The following CPNE4 variants were observed in gnomAD, a reference collection of about 807,000 sequenced individuals.
CPNE4 encodes copine-4.
A neutral mutation model predicts 67.9 loss-of-function variants in CPNE4; 25 were observed. The observed-to-expected ratio is 0.37, with a 90% CI of 0.27 to 0.51. CPNE4 has a LOEUF of 0.51. CPNE4 is among the 20% of genes least tolerant of loss of function. CPNE4 has a pLI of 0.93. For missense variants in CPNE4, 464 were observed against 690.8 expected (o/e 0.67, Z 3.68); for synonymous variants, 242 against 244.9 (o/e 0.99, Z 0.11).
At chr3:131,818,495 A>G (rs1337780627) in intron 2 of CPNE4, among the ~76,000 whole-genome samples, 1 of 152,218 alleles carries the variant, frequency 6.6e-6, no homozygotes, top group East Asian at 1.9e-4. Context: ...GACCTTGTGT[A>G]GGTGCCCAGC....
At chr3:131,679,390 A>G (rs1446767343) in intron 6 of CPNE4, among the ~76,000 whole-genome samples, 1 of 151,594 alleles carries the variant, frequency 6.6e-6, no homozygotes, top group African/African-American at 2.4e-5. Context: ...TCCTGGATTC[A>G]TCAATCTTTT....
chr3:131,577,090 T>C (rs560850181), intron 9 of CPNE4, among the ~76,000 whole-genome samples: 1 of 152,110 alleles, frequency 6.6e-6, no homozygotes, highest in African/African-American at 2.4e-5. Flanking sequence ...AAAAAAAGAT[T>C]AATACAATGG....
intron 1 of CPNE4, among the ~76,000 whole-genome samples, chr3:131,971,516 C>T (rs926542194): frequency 1.2e-4 from 18 of 152,176 alleles, no homozygotes; most frequent in African/African-American, 4.1e-4. Flanking sequence ...TAACATTTAA[C>T]AAGCAAAAAG....
At position 131,552,443 on chromosome 3, in the gene CPNE4, C is replaced by T. The variant is rs1559884789; in HGVS notation, c.1165G>A (p.Ala389Thr). Residue 389 changes from alanine to threonine, a missense_variant, in exon 13 of 16, where the codon GCA becomes ACA. Physicochemically the swap from Ala to Thr is moderately conservative, Grantham distance 58 (BLOSUM62 0). Around this residue, in one of 6 missense-constraint regions of CPNE4, gnomAD observed 201 missense variants for 357.7 expected, o/e 0.56. Transcript: ENST00000429747. ...TTTCTTTCACGTTGTGCTTTACCTG[C>T]ACATTCTGGGTTGTCTTCATTAAAG... The part of the protein sequence containing the change: ...INFNEDNPEC[A>T]GIQGVVEAYQ... The T allele has an allele frequency of 6.2e-7, 1 of 1,612,420 alleles. No homozygotes were observed. The highest frequency in any genetic ancestry group is 1.7e-5 in the Admixed American group (1 of 59,892).
At chr3:131,710,747 C>A (rs1349357973) in intron 3 of CPNE4, among the ~76,000 whole-genome samples, 1 of 152,104 alleles carries the variant, frequency 6.6e-6, no homozygotes, top group East Asian at 1.9e-4. Context: ...CTTCGATTGA[C>A]AACCAAGGAG....
chr3:131,882,113 C>T (rs1308734209), intron 2 of CPNE4, among the ~76,000 whole-genome samples: 1 of 150,488 alleles, frequency 6.6e-6, no homozygotes, highest in African/African-American at 2.5e-5. Flanking sequence ...CCTAGAGATG[C>T]TTCAATTCAT....
intron 2 of CPNE4, among the ~76,000 whole-genome samples, chr3:131,771,108 T>C (rs1388426958): frequency 2.0e-5 from 3 of 152,172 alleles, no homozygotes; most frequent in Non-Finnish European, 4.4e-5. Flanking sequence ...TCCATGAAAG[T>C]AAGAAGCACG....
At chr3:131,569,905 GAA>G in intron 10 of CPNE4, among the ~76,000 whole-genome samples, 1 of 151,728 alleles carries the variant, frequency 6.6e-6, no homozygotes, top group South Asian at 2.1e-4. Flanking sequence ...AAATTAATAA[GAA>G]AAAAATATCA....
At chr3:131,833,329 A>T (rs1373665299) in intron 2 of CPNE4, among the ~76,000 whole-genome samples, 1 of 152,214 alleles carries the variant, frequency 6.6e-6, no homozygotes, top group Non-Finnish European at 1.5e-5. Flanking sequence ...GAAACAGGAT[A>T]ATCTCTCAAT....
chr3:131,931,735 T>C (rs2071066870), intron 1 of CPNE4, among the ~76,000 whole-genome samples: 4 of 152,220 alleles, frequency 2.6e-5, no homozygotes, highest in Admixed American at 2.6e-4. Flanking sequence ...GCACATTTTT[T>C]GTCCCTAAGA....
chr3:132,020,767 C>G (rs1334805957), intron 1 of CPNE4, among the ~76,000 whole-genome samples: 1 of 152,166 alleles, frequency 6.6e-6, no homozygotes, highest in Non-Finnish European at 1.5e-5. Flanking sequence ...TGAGTGAAGG[C>G]ACTCACAGCA....
chr3:131,963,252 G>C (rs553594334), intron 1 of CPNE4, among the ~76,000 whole-genome samples: 1 of 152,252 alleles, frequency 6.6e-6, no homozygotes, highest in Non-Finnish European at 1.5e-5. Context: ...CCACAGACCA[G>C]GGGATTCCCT....
At chr3:131,580,086 C>T (rs1232186979) in intron 9 of CPNE4, among the ~76,000 whole-genome samples, 2 of 152,028 alleles carry the variant, frequency 1.3e-5, no homozygotes, top group African/African-American at 4.8e-5. Flanking sequence ...TTACCTCAGC[C>T]ACCCCAACTT....
chr3:131,568,122 G>C (rs1390353161), intron 10 of CPNE4, among the ~76,000 whole-genome samples: 1 of 151,910 alleles, frequency 6.6e-6, no homozygotes, highest in Non-Finnish European at 1.5e-5. Context: ...TAGTTCTCAT[G>C]GTTTAATAAA....
At chr3:131,845,468 C>A (rs2085960180) in intron 2 of CPNE4, among the ~76,000 whole-genome samples, 2 of 152,194 alleles carry the variant, frequency 1.3e-5, no homozygotes, top group Non-Finnish European at 2.9e-5. Flanking sequence ...AGAATTTATA[C>A]TGCTCACCCA....
chr3:131,695,093 A>C (rs900642780), intron 5 of CPNE4, among the ~76,000 whole-genome samples: 5 of 152,190 alleles, frequency 3.3e-5, no homozygotes, highest in Admixed American at 2.6e-4. Flanking sequence ...TTGCTCCTCC[A>C]TTCTACAACT....
At chr3:131,787,797 G>T (rs1442691904) in intron 2 of CPNE4, among the ~76,000 whole-genome samples, 1 of 152,098 alleles carries the variant, frequency 6.6e-6, no homozygotes, top group East Asian at 1.9e-4. Flanking sequence ...TTCCTGGAAG[G>T]CAGAATCTGG....
intron 2 of CPNE4, among the ~76,000 whole-genome samples, chr3:131,841,941 G>GGTGT (rs779074979): frequency 1.3e-5 from 2 of 152,084 alleles, no homozygotes; most frequent in African/African-American, 2.4e-5. Flanking sequence ...CTGGAGAGAG[G>GGTGT]GTGTGTGCGT....
chr3:131,799,638 T>C (rs2084019907), intron 2 of CPNE4, among the ~76,000 whole-genome samples: 1 of 152,202 alleles, frequency 6.6e-6, no homozygotes, highest in Non-Finnish European at 1.5e-5. Context: ...AATGAGGCTC[T>C]ATCACTAAAT....
Sources: gnomAD v4.1 joint callset for allele counts (sites outside exome capture counted in the v4.1 genomes callset) on GRCh38, gnomAD v4.1.1 for gene constraint, gnomAD v4.1.1 regional missense constraint, MANE v1.5 for transcripts, NCBI Gene and HGNC (gene_info 2026-07-23, HGNC 2026-07-21) for gene names.